The following MXRA5 variants were observed in gnomAD, a reference collection of about 807,000 sequenced individuals.
MXRA5 encodes the protein matrix-remodeling-associated protein 5.
MXRA5 carries 41 observed loss-of-function variants against 112.5 expected under a neutral mutation model. The observed-to-expected ratio is 0.36, with a 90% CI of 0.28 to 0.47. The LOEUF (loss-of-function observed/expected upper bound fraction) is 0.47, where lower values mean the gene tolerates loss of function less well. MXRA5 is among the 20% of genes least tolerant of loss of function. The pLI, the probability that MXRA5 is intolerant of heterozygous loss-of-function variation, is 0.99. For missense variants in MXRA5, 2,150 were observed against 2,251.0 expected (o/e 0.96, Z 0.91); for synonymous variants, 862 against 900.8 (o/e 0.96, Z 0.77).
chrX:3,343,729 G>A lies in MXRA5; in HGVS notation c.105C>T (p.Val35=). ...GGAACGTGCAGTGGACCTCGCTGGG[G>A]ACGTAGCAGGCACAAGGATGCGGGC... ...LACPHPCACY[V]PSEVHCTFRS... The change falls in exon 2 of 7, where the codon GTC becomes GTT. Residue 35 remains valine (V), a synonymous_variant. Transcript: ENST00000217939. 1 of 1,211,632 alleles carries A rather than the reference G, an allele frequency of 8.3e-7. No homozygotes were observed.
At chrX:3,344,956 T>TACAA (rs150505334) in intron 1 of MXRA5, among the ~76,000 whole-genome samples, 15,708 of 108,659 alleles carry the variant, frequency 0.14, 1,008 homozygotes, top group Middle Eastern at 0.19. Context: ...CTACTAAAAA[T>TACAA]ACAAACAAAC....
Position 3,316,205 on chromosome X carries a change from A to T in MXRA5, c.6578+898T>A, listed in dbSNP as rs1389633629. ...GGCGGGCGCCTGTAGTCCCAGCTAC[A>T]CGGGAGGCTGAGGCAGGAGAATGGC... On this transcript the variant is annotated intron_variant, in intron 6 of 6. Coordinates refer to ENST00000217939, the MANE Select transcript of MXRA5 (RefSeq NM_015419.4). 2.2e-4 allele frequency among the ~76,000 whole-genome samples: 16 copies of T among 72,899 alleles called. 1 individual carries two copies. Among genetic ancestry groups the T allele is most frequent in the East Asian group, 1.3e-3 (3 of 2,396 alleles). 63.3% of individuals were successfully genotyped at this position (72,899 alleles called of 115,157 possible).
intron 6 of MXRA5, among the ~76,000 whole-genome samples, chrX:3,315,387 TAGATGATAGATA>T (rs1569181343): frequency 3.9e-4 from 15 of 38,780 alleles, no homozygotes; most frequent in African/African-American, 2.3e-3. Flanking sequence ...GATAGATAGA[TAGATGATAGATA>T]GATAGATAGA....
Position 3,333,252 on chromosome X carries a change from G to A in MXRA5, c.189-2479C>T, listed in dbSNP as rs1376680233. ...CAGGAGGTTGAGGCTGCAGAGAGCTGTGATTGTGCCACTGTACTCCAGCCT... is the reference window on the plus strand; with the variant it reads ...CAGGAGGTTGAGGCTGCAGAGAGCTATGATTGTGCCACTGTACTCCAGCCT... On this transcript the variant is annotated intron_variant, in intron 2 of 6. Transcript: ENST00000217939. Among the ~76,000 whole-genome samples, 3 of 84,600 alleles carry A rather than the reference G, an allele frequency of 3.5e-5. No individual in the cohort carries two copies. The Admixed American group carries it at 5.2e-4, about 15-fold the overall frequency. The allele number at this position is 84,600 out of a possible 115,157, so 73.5% of individuals were successfully genotyped here. A position where few individuals can be genotyped will look rare whatever the true frequency, so the allele number is the denominator to read the frequency against.
At position 3,323,067 on chromosome X, in the gene MXRA5, A is replaced by G. The variant is rs770385479; in HGVS notation, c.2618T>C (p.Ile873Thr). The change falls in exon 5 of 7, where the codon ATT becomes ACT. Residue 873 changes from isoleucine (I) to threonine (T), a missense_variant. Ile to Thr is a moderately conservative substitution (Grantham distance 89). Coordinates refer to ENST00000217939, the MANE Select transcript of MXRA5 (RefSeq NM_015419.4). ...GCTTGTTACTTCAGGTTCAACAAGA[A>G]TAACTCCATTGTGGTTGTGTTCTAG... ...MGLEHNHNGVILVEPEVTSTP... is the reference protein window; with the variant it reads ...MGLEHNHNGVTLVEPEVTSTP... 21 of 1,209,999 alleles carry G rather than the reference A, an allele frequency of 1.7e-5. No individual in the cohort carries two copies. The South Asian group carries it at 3.5e-4, about 20-fold the overall frequency.
chrX:3,320,664 A>G lies in MXRA5; in HGVS notation c.5021T>C (p.Leu1674Pro). 8.3e-7 allele frequency: 1 copy of G among 1,211,778 alleles called. No homozygotes were observed. Among genetic ancestry groups the G allele is most frequent in the Non-Finnish European group, 1.1e-6 (1 of 895,445 alleles). ...GCTGGGTTTGGACATGTGCAATGGG[A>G]GAGGAATTGTTGTACTTGATAATCT... ...TPRLSSTTIP[L>P]PLHMSKPSIP... The change falls in exon 5 of 7, where the codon CTC (leucine) becomes CCC (proline). Residue 1674 changes from leucine (L) to proline (P), a missense_variant. Transcript: ENST00000217939.
In MXRA5 at chrX:3,310,587, A is replaced by G. The variant is rs781705055; in HGVS notation, c.7616T>C (p.Met2539Thr). ...LILQLTVLEP[M>T]EKPIFHDPIS... Reference sequence around the variant, plus strand: ...CGGGTCGTGGAAGATGGGTTTCTCCATGGGCTCCAGGACAGTGAGCTGCAG... The same window carrying G: ...CGGGTCGTGGAAGATGGGTTTCTCCGTGGGCTCCAGGACAGTGAGCTGCAG... The change falls in exon 7 of 7, where the codon ATG (methionine) becomes ACG (threonine). Residue 2539 changes from methionine to threonine, a missense_variant. Met to Thr is a moderately conservative substitution (Grantham distance 81). Transcript: ENST00000217939. 17 of 1,020,779 alleles carry G rather than the reference A, an allele frequency of 1.7e-5. 1 individual carries two copies. The South Asian group carries it at 3.0e-4, about 18-fold the overall frequency. 84.1% of individuals were successfully genotyped at this position (1,020,779 alleles called of 1,213,427 possible). A position where few individuals can be genotyped will look rare whatever the true frequency, so the allele number is the denominator to read the frequency against.
intron 2 of MXRA5, among the ~76,000 whole-genome samples, 196 bp downstream of exon 2, chrX:3,343,450 T>C (rs1482710953): frequency 8.9e-6 from 1 of 112,461 alleles, no homozygotes; most frequent in African/African-American, 3.2e-5. Flanking sequence ...ATTGAGATAA[T>C]CATCGAAAAA....
intron 6 of MXRA5, among the ~76,000 whole-genome samples, chrX:3,316,312 T>C (rs1225293258): frequency 2.4e-5 from 1 of 42,390 alleles, no homozygotes; most frequent in Non-Finnish European, 4.2e-5. Flanking sequence ...AGATTCCGTC[T>C]CAAAAATAAA....
rs1280106066 is a variant in MXRA5, at chrX:3,315,371, AGAATAGATAGATAGATAGAT to A, written c.6578+1712_6578+1731del. Among the ~76,000 whole-genome samples the A allele has an allele frequency of 4.2e-4, 10 of 23,901 alleles. 1 individual carries two copies. Among genetic ancestry groups the A allele is most frequent in the East Asian group, 1.6e-3 (1 of 635 alleles). The allele number at this position is 23,901 out of a possible 115,157, so 20.8% of individuals were successfully genotyped here. On this transcript the variant is annotated intron_variant, in intron 6 of 6. Coordinates refer to ENST00000217939, the MANE Select transcript of MXRA5 (RefSeq NM_015419.4). ...ATGATAGATAGATAGATAGATAGAT[AGAATAGATAGATAGATAGAT>A]GATAGATAGATAGATAGATAGATAG...
In MXRA5 at chrX:3,338,922, CAAGT is replaced by C. The variant is rs755321005; in HGVS notation, c.188+4720_188+4723del. On this transcript the variant is annotated intron_variant, in intron 2 of 6. Transcript: ENST00000217939. ...TAGAGATAGATGATAGGTAGGTAGACAAGTAATAGGCAGACTATAGATAATAGAT... is the reference window on the plus strand; with the variant it reads ...TAGAGATAGATGATAGGTAGGTAGACAATAGGCAGACTATAGATAATAGAT... Among the ~76,000 whole-genome samples the C allele has an allele frequency of 4.3e-3, 457 of 107,188 alleles. 5 individuals are homozygous for C. Among genetic ancestry groups the C allele is most frequent in the African/African-American group, 0.015 (423 of 29,169 alleles). The allele number at this position is 107,188 out of a possible 115,157, so 93.1% of individuals were successfully genotyped here. A position where few individuals can be genotyped will look rare whatever the true frequency, so the allele number is the denominator to read the frequency against.
intron 2 of MXRA5, among the ~76,000 whole-genome samples, chrX:3,332,060 C>A (rs1273081206): frequency 8.9e-6 from 1 of 111,805 alleles, no homozygotes; most frequent in Non-Finnish European, 1.9e-5. Context: ...TGTGCTCAAA[C>A]CTGGACTACA....
intron 2 of MXRA5, among the ~76,000 whole-genome samples, chrX:3,341,489 G>A (rs188451020): frequency 0.013 from 67 of 5,108 alleles, 24 homozygotes; most frequent in South Asian, 0.032. Context: ...TATAATATAT[G>A]TAATATATAT....
Position 3,309,830 on chromosome X carries a change from G to C in MXRA5, c.8373C>G (p.Pro2791=), listed in dbSNP as rs758057925. The change falls in exon 7 of 7, where the codon CCC becomes CCG. Residue 2791 remains proline (P), a synonymous_variant. Coordinates refer to ENST00000217939, the MANE Select transcript of MXRA5 (RefSeq NM_015419.4). The part of the protein sequence containing the change: ...ARLYGNRFLH[P]QGSLTIQHAT... ...CATGCTGGATGGTCAGTGATCCCTG[G>C]GGGTGAAGAAATCTGTTTCCATACA... 1 of 1,211,579 alleles carries C rather than the reference G, an allele frequency of 8.3e-7. No individual in the cohort carries two copies. Among genetic ancestry groups the C allele is most frequent in the African/African-American group, 1.7e-5 (1 of 57,710 alleles).
Position 3,346,646 on chromosome X carries a change from TC to T in MXRA5, c.-161del. On this transcript the variant is annotated 5_prime_UTR_variant, in exon 1 of 7. Coordinates refer to ENST00000217939, the MANE Select transcript of MXRA5 (RefSeq NM_015419.4). ...GGGCCGGGGGTGAGGCAGCTCGGCT[TC>T]CCAGCGCGGCACAGCAAGCCGGCGC... 1 of 640,591 alleles carries T rather than the reference TC, an allele frequency of 1.6e-6. No homozygotes were observed. The highest frequency in any genetic ancestry group is 1.9e-6 in the Non-Finnish European group (1 of 535,141). The allele number at this position is 640,591 out of a possible 1,213,427, so 52.8% of individuals were successfully genotyped here.
At chrX:3,342,456 A>G (rs987779746) in intron 2 of MXRA5, among the ~76,000 whole-genome samples, 1 of 112,065 alleles carries the variant, frequency 8.9e-6, no homozygotes, top group African/African-American at 3.2e-5. Flanking sequence ...CCGATAAATT[A>G]CAAGATTGTA....
rs772533163 is a variant in MXRA5 at position 3,330,362 on chromosome X, G to A, written c.365C>T (p.Thr122Ile). 8.3e-7 allele frequency: 1 copy of A among 1,209,649 alleles called. No individual in the cohort carries two copies. The highest frequency in any genetic ancestry group is 3.0e-5 in the East Asian group (1 of 33,824). Residue 122 changes from threonine (T) to isoleucine (I), a missense_variant, in exon 4 of 7, where the codon ACC becomes ATC. Physicochemically the swap from Thr to Ile is moderately conservative, Grantham distance 89. This residue lies in a region of MXRA5 where 386 missense variants were observed against 411.0 expected (regional missense o/e 0.94). Coordinates refer to ENST00000217939, the MANE Select transcript of MXRA5 (RefSeq NM_015419.4). The stretch of plus-strand genomic sequence containing the variant: ...CATTAAGTTAGAGAGACCCTGGAGG[G>A]TCTGTCCTGTGATCACTCTCAGCTT... ...YNKLRVITGQTLQGLSNLMRL... is the reference protein window; with the variant it reads ...YNKLRVITGQILQGLSNLMRL...
chrX:3,340,390 T>C (rs752383443), intron 2 of MXRA5, among the ~76,000 whole-genome samples: 2 of 112,085 alleles, frequency 1.8e-5, no homozygotes, highest in African/African-American at 3.2e-5. Context: ...TAATTTGAGA[T>C]TGATTTTTCT....
chrX:3,328,242 C>T (rs1424143670), intron 4 of MXRA5, among the ~76,000 whole-genome samples: 2 of 112,274 alleles, frequency 1.8e-5, no homozygotes, highest in Non-Finnish European at 1.9e-5. Flanking sequence ...AAGCAAGCCT[C>T]TTGAATGTCT....
Sources: allele counts gnomAD v4.1 joint callset (sites outside exome capture counted in the v4.1 genomes callset), GRCh38; gene constraint gnomAD v4.1.1; regional missense constraint gnomAD v4.1.1; transcripts MANE v1.5; gene names NCBI Gene and HGNC (gene_info 2026-07-23, HGNC 2026-07-21).